TXLNB: variants seen among roughly 807,000 people sequenced by gnomAD.
TXLNB encodes beta-taxilin.
In TXLNB, 37 loss-of-function variants were observed where a neutral mutation model predicts 57.4. That is an observed-to-expected ratio of 0.64 (90% CI 0.50 to 0.85). The LOEUF (loss-of-function observed/expected upper bound fraction) is 0.85, where lower values mean the gene tolerates loss of function less well. Ranked by LOEUF, TXLNB falls within the 40% of genes least tolerant of loss-of-function variation. The probability of loss-of-function intolerance (pLI) is 0.00; values close to 1 mark genes in which losing one functional copy is unlikely to be tolerated. For missense variants in TXLNB, 848 were observed against 825.6 expected, an observed-to-expected ratio of 1.03 and a Z score of -0.33; for synonymous variants, 302 against 309.6, an observed-to-expected ratio of 0.98 and a Z score of 0.26.
chr6:139,277,730 A>T (rs921731681), intron 2 of TXLNB, among the ~76,000 whole-genome samples: 4 of 152,170 alleles, frequency 2.6e-5, no homozygotes, highest in Non-Finnish European at 2.9e-5. Flanking sequence ...CACTAAAAAA[A>T]AATTAACCCT....
At chr6:139,200,560 A>G in the TXLNB span, among the ~76,000 whole-genome samples, 412 of 152,314 alleles carry the variant, frequency 2.7e-3, 2 homozygotes, top group African/African-American at 9.7e-3. Context: ...GGATGTCGGG[A>G]GATGAGTCAG....
the TXLNB span, among the ~76,000 whole-genome samples, chr6:139,299,339 G>C: frequency 6.6e-5 from 10 of 152,150 alleles, no homozygotes; most frequent in African/African-American, 2.2e-4. Flanking sequence ...TTCCCTGTAA[G>C]AAACTTGGGA....
chr6:139,279,991 A>T (rs1250502898), intron 2 of TXLNB, among the ~76,000 whole-genome samples: 1 of 152,182 alleles, frequency 6.6e-6, no homozygotes, highest in Non-Finnish European at 1.5e-5. Context: ...AAACAAAAAA[A>T]CTGGCCGAGC....
In TXLNB at chr6:139,262,880, T is replaced by C; in HGVS notation, c.688-107A>G. ...GTGTGCAGAGTAGGTGGGATGTTTT[T>C]TCTCAGTTCTCTAGAGCTAAAGCTG... On this transcript the variant is annotated intron_variant, in intron 4 of 9. Coordinates refer to ENST00000358430, the MANE Select transcript of TXLNB (RefSeq NM_153235.4). 3 of 1,117,372 alleles carry C rather than the reference T, an allele frequency of 2.7e-6. No individual in the cohort carries two copies. The South Asian group carries it at 4.9e-5, about 18-fold the overall frequency. The allele number at this position is 1,117,372 out of a possible 1,614,324, so 69.2% of individuals were successfully genotyped here.
chr6:139,205,205 C>T, the TXLNB span, among the ~76,000 whole-genome samples: 3 of 152,202 alleles, frequency 2.0e-5, no homozygotes, highest in African/African-American at 7.2e-5. Flanking sequence ...ATTACAGCAA[C>T]TCTTGGCAGC....
At chr6:139,267,529 T>G (rs998095891) in intron 4 of TXLNB, among the ~76,000 whole-genome samples, 3 of 152,146 alleles carry the variant, frequency 2.0e-5, no homozygotes, top group Admixed American at 6.5e-5. Flanking sequence ...ATGTAATTTT[T>G]AAATATTCAA....
the TXLNB span, among the ~76,000 whole-genome samples, chr6:139,297,558 C>A: frequency 6.6e-6 from 1 of 152,084 alleles, no homozygotes; most frequent in Non-Finnish European, 1.5e-5. Context: ...AGATTATGAG[C>A]CTTAAAATCA....
chr6:139,304,294 G>A, the TXLNB span, among the ~76,000 whole-genome samples: 1 of 152,146 alleles, frequency 6.6e-6, no homozygotes, highest in African/African-American at 2.4e-5. Context: ...CTGACACAAG[G>A]TGAGAATATC....
chr6:139,216,480 TG>T, the TXLNB span, among the ~76,000 whole-genome samples: 2 of 58,014 alleles, frequency 3.4e-5, no homozygotes, highest in African/African-American at 7.1e-5. Flanking sequence ...TGTTGTGGGG[TG>T]GGGGGAGGGG....
chr6:139,172,014 A>G, the TXLNB span, among the ~76,000 whole-genome samples: 9 of 152,092 alleles, frequency 5.9e-5, no homozygotes, highest in African/African-American at 2.2e-4. Context: ...ATATTTTAGT[A>G]GAGATGGGGT....
chr6:139,260,566 T>C, intron 5 of TXLNB, 129 bp from the exon 6 acceptor site: 5 of 978,772 alleles, frequency 5.1e-6, no homozygotes, highest in Non-Finnish European at 7.4e-6. Flanking sequence ...GATAAATGCA[T>C]TGGCATCACT....
intron 2 of TXLNB, among the ~76,000 whole-genome samples, chr6:139,281,104 A>G (rs1340541155): frequency 6.6e-6 from 1 of 151,782 alleles, no homozygotes; most frequent in Non-Finnish European, 1.5e-5. Flanking sequence ...GGACTCTCAA[A>G]CTCTCTGGCT....
At chr6:139,172,295 C>T in the TXLNB span, among the ~76,000 whole-genome samples, 1 of 152,170 alleles carries the variant, frequency 6.6e-6, no homozygotes, top group Non-Finnish European at 1.5e-5. Flanking sequence ...ATTTTCAACT[C>T]CAATAGAAGG....
downstream of TXLNB, among the ~76,000 whole-genome samples, chr6:139,239,871 T>C (rs543476031): frequency 3.6e-4 from 53 of 147,996 alleles, no homozygotes; most frequent in African/African-American, 1.3e-3. The surrounding 1 kb of genome is among the most constrained non-coding windows in gnomAD (Gnocchi z 4.7). Flanking sequence ...GTCTGTCACA[T>C]ACACACACAC....
At chr6:139,220,105 T>C in the TXLNB span, among the ~76,000 whole-genome samples, 12 of 152,166 alleles carry the variant, frequency 7.9e-5, no homozygotes, top group African/African-American at 2.9e-4. Context: ...GGTGGACCCC[T>C]CATGAATGGG....
chr6:139,310,096 A>T, the TXLNB span, among the ~76,000 whole-genome samples: 1 of 152,170 alleles, frequency 6.6e-6, no homozygotes, highest in Non-Finnish European at 1.5e-5. Flanking sequence ...TCACACCAAA[A>T]GTTCAGGTTA....
the TXLNB span, among the ~76,000 whole-genome samples, chr6:139,220,352 A>G: frequency 6.6e-6 from 1 of 152,244 alleles, no homozygotes; most frequent in Non-Finnish European, 1.5e-5. Flanking sequence ...TTTAATTTCT[A>G]TTTAATTCAA....
the TXLNB span, among the ~76,000 whole-genome samples, chr6:139,301,450 CCT>C: frequency 1.3e-5 from 2 of 152,100 alleles, no homozygotes; most frequent in East Asian, 1.9e-4. Context: ...TCCATTGTCC[CCT>C]GAGTTCCAAA....
the TXLNB span, among the ~76,000 whole-genome samples, chr6:139,218,197 T>C: frequency 1.9e-3 from 283 of 152,316 alleles, no homozygotes; most frequent in African/African-American, 6.8e-3. Context: ...GGGTGCTTAA[T>C]TACTAACTTA....
Sources: gnomAD v4.1 joint callset for allele counts (sites outside exome capture counted in the v4.1 genomes callset) on GRCh38, gnomAD v4.1.1 for gene constraint, Gnocchi (gnomAD v3.1) non-coding constraint, MANE v1.5 for transcripts, NCBI Gene and HGNC (gene_info 2026-07-23, HGNC 2026-07-21) for gene names.